Variants in SPRED1 observed in about 807,000 individuals in gnomAD.
SPRED1 encodes the protein sprouty-related, EVH1 domain-containing protein 1.
SPRED1 carries 18 observed loss-of-function variants against 52.3 expected under a neutral mutation model. The observed-to-expected ratio is 0.34, with a 90% CI of 0.24 to 0.51. The LOEUF (loss-of-function observed/expected upper bound fraction) is 0.51. Ranked by LOEUF, SPRED1 falls within the 20% of genes least tolerant of loss-of-function variation. The pLI, the probability that SPRED1 is intolerant of heterozygous loss-of-function variation, is 0.97. For synonymous variants in SPRED1, 155 were observed against 179.7 expected, an observed-to-expected ratio of 0.86 and a Z score of 1.10; for missense variants, 485 against 551.0, an observed-to-expected ratio of 0.88 and a Z score of 1.20.
At chr15:38,328,454 CAAAG>C (rs1265463006) in intron 4 of SPRED1, among the ~76,000 whole-genome samples, 1 of 152,172 alleles carries the variant, frequency 6.6e-6, no homozygotes, top group African/African-American at 2.4e-5. Context: ...CATAAGTCAA[CAAAG>C]AAATTTACCT....
At position 38,278,448 on chromosome 15, in the gene SPRED1, A is replaced by T. The variant is rs72709684; in HGVS notation, c.33-20925A>T. ...CAGTGAGCCATGGTTGTGCCACTGC[A>T]CTCCAGCGTGGATGACACAGAGAGA... On this transcript the variant is annotated intron_variant, in intron 1 of 6. Transcript: ENST00000299084. 2.2e-3 allele frequency among the ~76,000 whole-genome samples: 329 copies of T among 152,256 alleles called. 1 individual carries two copies. The highest frequency in any genetic ancestry group is 3.4e-3 in the Admixed American group (52 of 15,288).
intron 4 of SPRED1, among the ~76,000 whole-genome samples, chr15:38,337,762 GTTA>G (rs947261716): frequency 8.6e-5 from 13 of 151,772 alleles, no homozygotes; most frequent in South Asian, 4.2e-4. Context: ...TAACTTCTCA[GTTA>G]TTATAATTTA....
intron 4 of SPRED1, among the ~76,000 whole-genome samples, chr15:38,335,400 T>A (rs1895892717): frequency 6.6e-6 from 1 of 152,018 alleles, no homozygotes; most frequent in Non-Finnish European, 1.5e-5. Context: ...CAAAAAAAGA[T>A]AATGAGGGCT....
intron 2 of SPRED1, among the ~76,000 whole-genome samples, chr15:38,305,349 A>C (rs572434322): frequency 1.2e-5 from 1 of 83,962 alleles, no homozygotes; most frequent in South Asian, 5.3e-4. Flanking sequence ...AAACAAAAAA[A>C]AAAAACTTTT....
At chr15:38,330,955 CA>C (rs1895794801) in intron 4 of SPRED1, among the ~76,000 whole-genome samples, 1 of 151,986 alleles carries the variant, frequency 6.6e-6, no homozygotes, top group Non-Finnish European at 1.5e-5. Context: ...AGGAGAGAAG[CA>C]AAATCTTTTT....
chr15:38,284,331 T>C (rs1455564479), intron 1 of SPRED1, among the ~76,000 whole-genome samples: 1 of 152,166 alleles, frequency 6.6e-6, no homozygotes, highest in Non-Finnish European at 1.5e-5. Context: ...CATGAGTGCA[T>C]GTCTCAGTTT....
At chr15:38,334,276 A>G (rs986486027) in intron 4 of SPRED1, among the ~76,000 whole-genome samples, 1 of 152,062 alleles carries the variant, frequency 6.6e-6, no homozygotes. Flanking sequence ...GAAAAAAAAT[A>G]TGACTTCAAG....
chr15:38,278,082 TAAGAG>T (rs1456322499), intron 1 of SPRED1, among the ~76,000 whole-genome samples: 1 of 152,174 alleles, frequency 6.6e-6, no homozygotes, highest in Non-Finnish European at 1.5e-5. Flanking sequence ...AGGTAAGAAA[TAAGAG>T]AAGGTAGAAC....
At chr15:38,256,435 T>G (rs959677888) in intron 1 of SPRED1, among the ~76,000 whole-genome samples, 3 of 152,264 alleles carry the variant, frequency 2.0e-5, no homozygotes, top group African/African-American at 7.2e-5. Context: ...CCTTTGGTAT[T>G]GAGTGTATAT....
Position 38,252,949 on chromosome 15 carries a change from G to T in SPRED1, c.-237G>T. 1.7e-6 allele frequency: 1 copy of T among 593,272 alleles called. No individual in the cohort carries two copies. The highest frequency in any genetic ancestry group is 3.0e-6 in the Non-Finnish European group (1 of 334,024). The allele number at this position is 593,272 out of a possible 1,614,324, so 36.8% of individuals were successfully genotyped here. ...GATCCCTTGGCTGGGCACTGAGGCG[G>T]GGGAAGAGGCTGGGGTCGCCACGGC... On this transcript the variant is annotated 5_prime_UTR_variant, in exon 1 of 7. Transcript: ENST00000299084.
chr15:38,334,886 T>TA lies in SPRED1; in HGVS notation c.424-4850dup, dbSNP rs540277578. On this transcript the variant is annotated intron_variant, in intron 4 of 6. Coordinates refer to ENST00000299084, the MANE Select transcript of SPRED1 (RefSeq NM_152594.3). ...AAAGTAGAAATGCTGGGTCAAAAAG[T>TA]ACGGATTTTTTTTTTTTCCAGTGCC... Among the ~76,000 whole-genome samples the TA allele has an allele frequency of 6.9e-3, 417 of 60,692 alleles. 1 individual carries two copies. The highest frequency in any genetic ancestry group is 0.015 in the African/African-American group (392 of 25,490). 39.8% of individuals were successfully genotyped at this position (60,692 alleles called of 152,430 possible).
At chr15:38,313,241 C>T (rs1483265500) in intron 2 of SPRED1, among the ~76,000 whole-genome samples, 7 of 152,028 alleles carry the variant, frequency 4.6e-5, no homozygotes, top group Middle Eastern at 3.4e-3. Context: ...ATGTAATGTT[C>T]TTATGACAAT....
chr15:38,262,912 A>G (rs1302502536), intron 1 of SPRED1, among the ~76,000 whole-genome samples: 2 of 152,222 alleles, frequency 1.3e-5, no homozygotes, highest in Non-Finnish European at 2.9e-5. Flanking sequence ...CACCAGGTGA[A>G]GTTTTCATCA....
intron 1 of SPRED1, chr15:38,283,423 A>G (rs1255053154): frequency 7.7e-6 from 5 of 646,234 alleles, no homozygotes; most frequent in Non-Finnish European, 9.6e-6. Flanking sequence ...AATAATGTGA[A>G]GGGATATGTA....
At chr15:38,326,370 A>G (rs1198648958) in intron 4 of SPRED1, 2 of 152,248 alleles carry the variant, frequency 1.3e-5, no homozygotes, top group East Asian at 1.9e-4. Context: ...CTAAACAAAA[A>G]GAACCCAGGG....
intron 5 of SPRED1, among the ~76,000 whole-genome samples, chr15:38,347,461 CTT>C (rs3075337): frequency 5.4e-4 from 50 of 93,232 alleles, no homozygotes; most frequent in East Asian, 1.6e-3. Flanking sequence ...CCGCTTGGAT[CTT>C]TTTTTTTTTT....
At chr15:38,303,710 T>C (rs1895194937) in intron 2 of SPRED1, among the ~76,000 whole-genome samples, 1 of 152,058 alleles carries the variant, frequency 6.6e-6, no homozygotes, top group African/African-American at 2.4e-5. Context: ...ATTATTAAAA[T>C]TTGCTAAAGC....
In SPRED1 at chr15:38,351,450, G is replaced by T; in HGVS notation, c.1121G>T (p.Ser374Ile). The T allele has an allele frequency of 6.2e-7, 1 of 1,614,180 alleles. No individual in the cohort carries two copies. ...GTTAGTTGCATGCTCTGTGCAGAGA[G>T]CATGTTGTATCATTGTATGTCAGAC... ...YQVSCMLCAE[S>I]MLYHCMSDSE... Residue 374 changes from serine (S) to isoleucine (I), a missense_variant, in exon 7 of 7, where the codon AGC becomes ATC. Around this residue, in one of 5 missense-constraint regions of SPRED1, gnomAD observed 205 missense variants for 245.2 expected, o/e 0.84. Coordinates refer to ENST00000299084, the MANE Select transcript of SPRED1 (RefSeq NM_152594.3).
chr15:38,260,324 T>C (rs1894181046), intron 1 of SPRED1, among the ~76,000 whole-genome samples: 1 of 152,218 alleles, frequency 6.6e-6, no homozygotes, highest in South Asian at 2.1e-4. Flanking sequence ...GTCTTCATCA[T>C]CACATGGCGG....
Sources: allele counts gnomAD v4.1 joint callset (sites outside exome capture counted in the v4.1 genomes callset), GRCh38; gene constraint gnomAD v4.1.1; regional missense constraint gnomAD v4.1.1; transcripts MANE v1.5; gene names NCBI Gene and HGNC (gene_info 2026-07-23, HGNC 2026-07-21).